Variants in PTPRD observed in about 807,000 individuals in gnomAD.
PTPRD encodes the protein protein tyrosine phosphatase receptor type D.
Under a neutral mutation model 214.5 loss-of-function variants are expected in PTPRD, and 34 were observed. The ratio of observed to expected loss-of-function variants is 0.16; its 90% CI spans 0.12 to 0.21. PTPRD has a LOEUF of 0.21. Ranked by LOEUF, PTPRD falls within the 10% of genes least tolerant of loss-of-function variation. The probability of loss-of-function intolerance (pLI) is 1.00; values close to 1 mark genes in which losing one functional copy is unlikely to be tolerated. For missense variants in PTPRD, 2,545 were observed against 2,398.7 expected (o/e 1.06, Z -1.27); for synonymous variants, 1,128 against 845.7 (o/e 1.33, Z -5.79).
intron 12 of PTPRD, among the ~76,000 whole-genome samples, chr9:8,662,255 T>C (rs1156733476): frequency 1.3e-5 from 2 of 152,124 alleles, no homozygotes; most frequent in South Asian, 2.1e-4. Context: ...AAGATCAAAA[T>C]CGGTCCCTAC....
intron 5 of PTPRD, among the ~76,000 whole-genome samples, chr9:9,864,506 T>A (rs1000650950): frequency 6.6e-6 from 1 of 151,968 alleles, no homozygotes; most frequent in Admixed American, 6.6e-5. Flanking sequence ...GATTTTGTTG[T>A]TTGTTTTTAC....
chr9:9,681,037 G>A (rs2097058136), intron 7 of PTPRD, among the ~76,000 whole-genome samples: 1 of 151,698 alleles, frequency 6.6e-6, no homozygotes, highest in African/African-American at 2.4e-5. Flanking sequence ...GTTGGAAATT[G>A]TTATTTTATT....
At chr9:10,188,694 G>A (rs555441926) in intron 3 of PTPRD, among the ~76,000 whole-genome samples, 4 of 152,104 alleles carry the variant, frequency 2.6e-5, no homozygotes, top group Non-Finnish European at 1.5e-5. Flanking sequence ...GCATTCACAT[G>A]TCATTGGCAC....
intron 3 of PTPRD, among the ~76,000 whole-genome samples, chr9:10,082,650 G>A (rs1290504024): frequency 6.6e-6 from 1 of 151,934 alleles, no homozygotes; most frequent in Admixed American, 6.6e-5. Context: ...ACTCAAAAAT[G>A]ATGCCTGATC....
At chr9:8,500,728 A>G in intron 24 of PTPRD, 26 bp downstream of exon 24, 1 of 1,610,494 alleles carries the variant, frequency 6.2e-7, no homozygotes, top group Non-Finnish European at 8.5e-7. Context: ...AGAAGGGTGC[A>G]AACTGACGTA....
chr9:10,209,250 A>G (rs1034867453), intron 3 of PTPRD, among the ~76,000 whole-genome samples: 1 of 152,216 alleles, frequency 6.6e-6, no homozygotes, highest in African/African-American at 2.4e-5. Context: ...TAGGCAGAGA[A>G]AAACCCATGA....
chr9:9,747,306 C>A (rs905463010), intron 6 of PTPRD, among the ~76,000 whole-genome samples: 1 of 152,038 alleles, frequency 6.6e-6, no homozygotes, highest in South Asian at 2.1e-4. Context: ...AAAAGAGGAA[C>A]CCTCCCAAGA....
chr9:8,814,368 G>A (rs959804163), intron 11 of PTPRD, among the ~76,000 whole-genome samples: 5 of 89,834 alleles, frequency 5.6e-5, no homozygotes, highest in Non-Finnish European at 7.6e-5. Flanking sequence ...CACGGAGAAC[G>A]CTTTAAGTGA....
At chr9:10,189,713 G>C (rs548909453) in intron 3 of PTPRD, among the ~76,000 whole-genome samples, 1 of 152,034 alleles carries the variant, frequency 6.6e-6, no homozygotes, top group East Asian at 1.9e-4. Context: ...ATTTTAAAAG[G>C]GCAATTACAA....
At chr9:10,316,118 T>G (rs996667538) in intron 3 of PTPRD, among the ~76,000 whole-genome samples, 6 of 148,232 alleles carry the variant, frequency 4.0e-5, no homozygotes, top group African/African-American at 1.5e-4. Context: ...TGTGTCTATA[T>G]ATATATATAT....
intron 10 of PTPRD, among the ~76,000 whole-genome samples, chr9:9,104,409 C>A (rs1403443769): frequency 6.6e-6 from 1 of 152,168 alleles, no homozygotes; most frequent in Non-Finnish European, 1.5e-5. Context: ...CTTTAGCCAA[C>A]AGATAGTGTG....
chr9:9,983,150 GA>G lies in PTPRD; in HGVS notation c.-471-44541del, dbSNP rs77087502. ...ATGCAAATCAAATGTACCGATGCTA[GA>G]CTTTGATTCAGAATGGATTACACTG... On this transcript the variant is annotated intron_variant, in intron 4 of 45. Transcript: ENST00000381196. Among the ~76,000 whole-genome samples, 896 of 152,232 alleles carry G rather than the reference GA, an allele frequency of 5.9e-3. 26 individuals carry two copies. Among genetic ancestry groups the G allele is most frequent in the East Asian group, 0.058 (298 of 5,176 alleles).
chr9:9,594,707 C>T (rs1331534006), intron 7 of PTPRD, among the ~76,000 whole-genome samples: 2 of 152,014 alleles, frequency 1.3e-5, no homozygotes, highest in Non-Finnish European at 2.9e-5. Flanking sequence ...TAATGTGATG[C>T]CTCTAGATTT....
At chr9:9,220,904 G>A (rs1201703147) in intron 9 of PTPRD, among the ~76,000 whole-genome samples, 1 of 152,074 alleles carries the variant, frequency 6.6e-6, no homozygotes, top group Non-Finnish European at 1.5e-5. Context: ...GACACTTGCA[G>A]GTTGATAACC....
intron 2 of PTPRD, among the ~76,000 whole-genome samples, chr9:10,349,595 T>A (rs1389814293): frequency 6.6e-6 from 1 of 152,176 alleles, no homozygotes; most frequent in Non-Finnish European, 1.5e-5. Context: ...AATAGGTCTT[T>A]AAGTTAAAAT....
In PTPRD at chr9:9,980,622, AAAAAAAAAAAAAC is replaced by A. The variant is rs1566900921; in HGVS notation, c.-471-42025_-471-42013del. 9.2e-5 allele frequency among the ~76,000 whole-genome samples: 13 copies of A among 142,012 alleles called. 3 individuals are homozygous for A. Among genetic ancestry groups the A allele is most frequent in the African/African-American group, 1.6e-4 (6 of 37,116 alleles). The allele number at this position is 142,012 out of a possible 152,430, so 93.2% of individuals were successfully genotyped here. On this transcript the variant is annotated intron_variant, in intron 4 of 45. Transcript: ENST00000381196. The stretch of plus-strand genomic sequence containing the variant: ...AGACACCTTGTCAAAAAAAAACAAA[AAAAAAAAAAAAAC>A]AAAAAAAAAAACCCTTTATGGATCA...
intron 5 of PTPRD, among the ~76,000 whole-genome samples, chr9:9,896,880 C>A (rs190998817): frequency 1.3e-5 from 2 of 151,870 alleles, no homozygotes; most frequent in Non-Finnish European, 2.9e-5. Flanking sequence ...ACTGGAGATC[C>A]ATCCACTAAG....
chr9:8,403,040 T>C (rs951758156), intron 36 of PTPRD, among the ~76,000 whole-genome samples: 3 of 152,196 alleles, frequency 2.0e-5, no homozygotes. Flanking sequence ...TATAGGATTG[T>C]TCAAATGCTG....
At chr9:9,339,687 G>C (rs1195674248) in intron 9 of PTPRD, among the ~76,000 whole-genome samples, 1 of 152,076 alleles carries the variant, frequency 6.6e-6, no homozygotes, top group East Asian at 1.9e-4. Context: ...ACTTAGAATA[G>C]CTACTGAATA....
Sources: allele counts gnomAD v4.1 joint callset (sites outside exome capture counted in the v4.1 genomes callset), GRCh38; gene constraint gnomAD v4.1.1; transcripts MANE v1.5; gene names NCBI Gene and HGNC (gene_info 2026-07-23, HGNC 2026-07-21).